FMNL3: variants seen among roughly 807,000 people sequenced by gnomAD.
FMNL3 encodes formin like 3.
FMNL3 carries 57 observed loss-of-function variants against 119.6 expected under a neutral mutation model. The ratio of observed to expected loss-of-function variants is 0.48; its 90% CI spans 0.39 to 0.59. The LOEUF is 0.59. Among genes scored for constraint, FMNL3 ranks in the 20% least tolerant of loss-of-function variants. The pLI is 0.00. For synonymous variants in FMNL3, 491 were observed against 507.3 expected (o/e 0.97, Z 0.43); for missense variants, 1,053 against 1,323.5 (o/e 0.80, Z 3.17).
chr12:49,653,146 G>T, intron 13 of FMNL3, 80 bp downstream of exon 13: 1 of 1,269,150 alleles, frequency 7.9e-7, no homozygotes, highest in South Asian at 1.2e-5. Context: ...AACTTGATAT[G>T]ACTCAGGGAA....
Position 49,705,082 on chromosome 12 carries a change from G to A in FMNL3, c.126+1973C>T, listed in dbSNP as rs567351583. 5.3e-5 allele frequency among the ~76,000 whole-genome samples: 8 copies of A among 152,278 alleles called. No individual in the cohort carries two copies. The South Asian group carries it at 1.7e-3, about 32-fold the overall frequency. On this transcript the variant is annotated intron_variant, in intron 1 of 25. Transcript: ENST00000335154. ...CCCAGAGAAGAACTCAAATCCCCAA[G>A]AAGGGATGATTTCCCTGTATTGGAA...
At chr12:49,668,140 A>C (rs566596758) in intron 2 of FMNL3, among the ~76,000 whole-genome samples, 5 of 152,232 alleles carry the variant, frequency 3.3e-5, no homozygotes, top group Non-Finnish European at 7.3e-5. Context: ...AGACAGAGTG[A>C]GAGATCAACA....
Position 49,644,486 on chromosome 12 carries a change from G to T in FMNL3, c.*1329C>A. 2.4e-6 allele frequency: 1 copy of T among 418,104 alleles called. No individual in the cohort carries two copies. Among genetic ancestry groups the T allele is most frequent in the Non-Finnish European group, 4.5e-6 (1 of 220,928 alleles). 25.9% of individuals were successfully genotyped at this position (418,104 alleles called of 1,614,324 possible). On this transcript the variant is annotated 3_prime_UTR_variant, in exon 26 of 26. Coordinates refer to ENST00000335154, the MANE Select transcript of FMNL3 (RefSeq NM_175736.5). ...AAAGTGTGAGAGAAGGGGTCTCCAG[G>T]GAAGAGTCACAGGCTGTTGGACGCA... is the stretch of plus-strand genomic sequence containing the variant.
chr12:49,643,076 C>T lies in FMNL3; in HGVS notation c.*2739G>A. The T allele has an allele frequency of 6.3e-7, 1 of 1,593,002 alleles. No homozygotes were observed. ...CTGGGTTGTTTTGGGGAAATAAACACTTTGTTTTCCCCTTACAATATCTCC... is the reference window on the plus strand; with the variant it reads ...CTGGGTTGTTTTGGGGAAATAAACATTTTGTTTTCCCCTTACAATATCTCC... On this transcript the variant is annotated 3_prime_UTR_variant, in exon 26 of 26. Coordinates refer to ENST00000335154, the MANE Select transcript of FMNL3 (RefSeq NM_175736.5).
At chr12:49,700,391 CAAAAA>C (rs11456820) in intron 1 of FMNL3, among the ~76,000 whole-genome samples, 2 of 56,424 alleles carry the variant, frequency 3.5e-5, no homozygotes, top group African/African-American at 1.2e-4. Flanking sequence ...GAATCCGTCT[CAAAAA>C]AAAAAAAAAA....
chr12:49,676,788 CT>C (rs1229896952), intron 1 of FMNL3, among the ~76,000 whole-genome samples: 1 of 152,094 alleles, frequency 6.6e-6, no homozygotes, highest in Non-Finnish European at 1.5e-5. Context: ...GTCTTATGTC[CT>C]ATAGCACAAA....
At chr12:49,651,893 G>A in intron 14 of FMNL3, 40 bp downstream of exon 14, 3 of 1,522,538 alleles carry the variant, frequency 2.0e-6, no homozygotes, top group Non-Finnish European at 2.6e-6. Flanking sequence ...TCCCCACAAA[G>A]AGGCTGCCCC....
At chr12:49,690,725 A>G (rs1944579603) in intron 1 of FMNL3, among the ~76,000 whole-genome samples, 1 of 152,182 alleles carries the variant, frequency 6.6e-6, no homozygotes, top group Non-Finnish European at 1.5e-5. Flanking sequence ...AATCCACTCA[A>G]TCCACTCCAA....
intron 1 of FMNL3, among the ~76,000 whole-genome samples, chr12:49,691,146 C>T (rs1944589949): frequency 6.6e-6 from 1 of 152,234 alleles, no homozygotes; most frequent in African/African-American, 2.4e-5. Flanking sequence ...ATTTAACCTA[C>T]CTGGACCTCA....
At chr12:49,650,598 A>G (rs1348483949) in intron 17 of FMNL3, 78 bp downstream of exon 17, 7 of 1,520,536 alleles carry the variant, frequency 4.6e-6, no homozygotes, top group Non-Finnish European at 6.3e-6. Context: ...CCTGGAATCT[A>G]GGGAAACCCA....
At chr12:49,666,071 A>G (rs1398752936) in intron 3 of FMNL3, 56 bp downstream of exon 3, 3 of 1,583,788 alleles carry the variant, frequency 1.9e-6, no homozygotes, top group Non-Finnish European at 2.6e-6. Flanking sequence ...TTTGCCCCCA[A>G]ACCCCACAGG....
At chr12:49,701,616 C>T (rs868759419) in intron 1 of FMNL3, among the ~76,000 whole-genome samples, 1 of 152,152 alleles carries the variant, frequency 6.6e-6, no homozygotes, top group Non-Finnish European at 1.5e-5. Flanking sequence ...GATGGACCAT[C>T]GTACAAGCAT....
chr12:49,662,486 T>C (rs1327572543), intron 4 of FMNL3, among the ~76,000 whole-genome samples: 1 of 152,122 alleles, frequency 6.6e-6, no homozygotes, highest in African/African-American at 2.4e-5. Context: ...GAAGCCTCAG[T>C]CAAGACCCCA....
At chr12:49,656,681 C>G (rs1943579188) in intron 8 of FMNL3, 142 bp downstream of exon 8, 33 of 939,304 alleles carry the variant, frequency 3.5e-5, no homozygotes, top group Non-Finnish European at 5.0e-5. Context: ...GCCAGGGACA[C>G]TTCTCTTCCA....
At chr12:49,650,379 C>A (rs1390873807) in intron 17 of FMNL3, among the ~76,000 whole-genome samples, 1 of 152,218 alleles carries the variant, frequency 6.6e-6, no homozygotes, top group African/African-American at 2.4e-5. Context: ...CATTCATCAC[C>A]AAGCTCAGCT....
rs777767297 is a variant in FMNL3, at chr12:49,653,252, G to C, written c.1297C>G (p.Arg433Gly). 1 of 1,614,010 alleles carries C rather than the reference G, an allele frequency of 6.2e-7. No individual in the cohort carries two copies. Residue 433 changes from arginine (R) to glycine (G), a missense_variant, in exon 13 of 26, where the codon CGG becomes GGG. By Grantham distance (125) the Arg-to-Gly change is moderately radical. Coordinates refer to ENST00000335154, the MANE Select transcript of FMNL3 (RefSeq NM_175736.5). ...TTGATGCTCTCTAGTTCCTTCTCCC[G>C]CTGTAGCAGCTGCTTCTCTAGTTCT... ...VAELEKQLLQ[R>G]EKELESIKET... is the part of the protein sequence containing the mutation.
chr12:49,667,806 G>T (rs1236725997), intron 2 of FMNL3, among the ~76,000 whole-genome samples: 1 of 152,172 alleles, frequency 6.6e-6, no homozygotes, highest in East Asian at 1.9e-4. Flanking sequence ...CACACTGCCA[G>T]ATACTTCCAT....
intron 1 of FMNL3, among the ~76,000 whole-genome samples, chr12:49,690,784 A>G (rs1944580923): frequency 6.6e-6 from 1 of 152,250 alleles, no homozygotes; most frequent in South Asian, 2.1e-4. Context: ...AGGAAACTAT[A>G]GTTAAGAAAG....
intron 1 of FMNL3, among the ~76,000 whole-genome samples, chr12:49,690,224 T>C (rs983674278): frequency 1.3e-5 from 2 of 152,214 alleles, no homozygotes; most frequent in Admixed American, 1.3e-4. Flanking sequence ...CCAACTCAGA[T>C]AGCAAGCATT....
Sources: gnomAD v4.1 joint callset for allele counts (sites outside exome capture counted in the v4.1 genomes callset) on GRCh38, gnomAD v4.1.1 for gene constraint, MANE v1.5 for transcripts, NCBI Gene and HGNC (gene_info 2026-07-23, HGNC 2026-07-21) for gene names.